The following ANO6 variants were observed in gnomAD, a reference collection of about 807,000 sequenced individuals.
ANO6 encodes the protein anoctamin 6.
A neutral mutation model predicts 117.5 loss-of-function variants in ANO6; 106 were observed. The ratio of observed to expected loss-of-function variants is 0.90; its 90% CI spans 0.77 to 1.06. ANO6 has a LOEUF of 1.06. Ranked by LOEUF, ANO6 falls within the 50% of genes least tolerant of loss-of-function variation. The pLI is 0.00. For synonymous variants in ANO6, 367 were observed against 385.1 expected, an observed-to-expected ratio of 0.95 and a Z score of 0.55; for missense variants, 955 against 1,121.1, an observed-to-expected ratio of 0.85 and a Z score of 2.12.
chr12:45,389,485 C>A (rs925448767), intron 11 of ANO6, among the ~76,000 whole-genome samples: 1 of 152,198 alleles, frequency 6.6e-6, no homozygotes, highest in African/African-American at 2.4e-5. Flanking sequence ...TCATTTAAAC[C>A]TGCCAATTTT....
In ANO6 at chr12:45,388,400, T is replaced by C. The variant is rs1415043885; in HGVS notation, c.1308+97T>C. On this transcript the variant is annotated intron_variant, in intron 11 of 19. Coordinates refer to ENST00000320560, the MANE Select transcript of ANO6 (RefSeq NM_001025356.3). ...GAATCACTTGGGGGAGCTTAAAAAA[T>C]ATTGATACCTGAGTTCCATCACTAC... is the stretch of plus-strand genomic sequence containing the variant. 5 of 1,465,432 alleles carry C rather than the reference T, an allele frequency of 3.4e-6. No homozygotes were observed. The African/African-American group carries it at 4.2e-5, about 12-fold the overall frequency. The allele number at this position is 1,465,432 out of a possible 1,614,324, so 90.8% of individuals were successfully genotyped here. A position where few individuals can be genotyped will look rare whatever the true frequency, so the allele number is the denominator to read the frequency against.
chr12:45,232,931 G>T (rs193253538), intron 1 of ANO6, among the ~76,000 whole-genome samples: 2 of 152,298 alleles, frequency 1.3e-5, no homozygotes, highest in Admixed American at 1.3e-4. Flanking sequence ...GCTTCCGGAA[G>T]TTTCCAAAGG....
At chr12:45,437,203 T>G (rs74081818), downstream of ANO6, among the ~76,000 whole-genome samples, 7,612 of 152,250 alleles carry the variant, frequency 0.05, 350 homozygotes, top group African/African-American at 0.12. Context: ...ATTTTCCTAA[T>G]AACACAAAGA....
intron 1 of ANO6, among the ~76,000 whole-genome samples, chr12:45,257,853 T>TTA (rs1415488348): frequency 1.3e-5 from 2 of 152,188 alleles, no homozygotes; most frequent in African/African-American, 4.8e-5. Context: ...TTTGCGAAGA[T>TTA]TATAAAAAGA....
chr12:45,350,820 T>TA (rs777473374), intron 7 of ANO6, 46 bp downstream of exon 7: 4 of 1,443,130 alleles, frequency 2.8e-6, no homozygotes, highest in Non-Finnish European at 9.7e-7. Flanking sequence ...CTCAGGGTGT[T>TA]ACCCCCACAG....
chr12:45,422,904 C>A, intron 18 of ANO6, 53 bp from the exon 19 acceptor site: 1 of 1,323,380 alleles, frequency 7.6e-7, no homozygotes, highest in Non-Finnish European at 1.1e-6. Flanking sequence ...CCTTTGTTTA[C>A]AGTATTCAGT....
At chr12:45,420,384 G>T (rs1449343197) in intron 17 of ANO6, among the ~76,000 whole-genome samples, 2 of 152,170 alleles carry the variant, frequency 1.3e-5, no homozygotes, top group Non-Finnish European at 2.9e-5. Flanking sequence ...ACTTGGAGAG[G>T]CTGAGAGGAT....
At chr12:45,418,903 T>C (rs779969050) in intron 17 of ANO6, among the ~76,000 whole-genome samples, 33 of 152,250 alleles carry the variant, frequency 2.2e-4, no homozygotes, top group Non-Finnish European at 1.0e-4. Context: ...ACTTCCAAGA[T>C]GGCAGTTATA....
chr12:45,258,973 AC>A lies in ANO6; in HGVS notation c.70+42583del, dbSNP rs367598724. Among the ~76,000 whole-genome samples, 759 of 152,324 alleles carry A rather than the reference AC, an allele frequency of 5.0e-3. 7 individuals are homozygous for A. The highest frequency in any genetic ancestry group is 0.031 in the South Asian group (151 of 4,828). On this transcript the variant is annotated intron_variant, in intron 1 of 19. Transcript: ENST00000320560. ...TCAAGTATCTTCAGAAAATGGTGGG[AC>A]AGGAAGAGGGGAGTAATTTGCCCTT...
At chr12:45,396,489 C>A (rs1328174580) in intron 12 of ANO6, among the ~76,000 whole-genome samples, 3 of 151,224 alleles carry the variant, frequency 2.0e-5, no homozygotes, top group Non-Finnish European at 4.4e-5. Flanking sequence ...TTGGAAAAAA[C>A]TAAAGTTCAT....
chr12:45,434,595 G>T (rs928932200), downstream of ANO6, among the ~76,000 whole-genome samples: 6 of 152,188 alleles, frequency 3.9e-5, no homozygotes, highest in Admixed American at 2.0e-4. Context: ...GAGGGAGGCA[G>T]TGCAAAGAAT....
chr12:45,422,207 A>T (rs1484469371), intron 18 of ANO6, among the ~76,000 whole-genome samples: 2 of 152,196 alleles, frequency 1.3e-5, no homozygotes, highest in East Asian at 3.9e-4. Context: ...TTAACACTTG[A>T]TATCTGACAA....
intron 15 of ANO6, among the ~76,000 whole-genome samples, chr12:45,407,319 G>T (rs975241318): frequency 6.6e-6 from 1 of 152,290 alleles, no homozygotes; most frequent in African/African-American, 2.4e-5. Flanking sequence ...GACAGAAAAA[G>T]ACCTGCTTCT....
intron 1 of ANO6, among the ~76,000 whole-genome samples, chr12:45,220,336 A>G (rs1018627431): frequency 6.6e-6 from 1 of 152,134 alleles, no homozygotes; most frequent in Admixed American, 6.5e-5. Flanking sequence ...TAGACAGAGG[A>G]CATGGTCCAT....
Position 45,429,840 on chromosome 12 carries a change from C to A in ANO6, c.*529C>A, listed in dbSNP as rs1943592807. The A allele has an allele frequency of 1.0e-6, 1 of 989,768 alleles. No individual in the cohort carries two copies. The highest frequency in any genetic ancestry group is 5.8e-5 in the Admixed American group (1 of 17,284). 61.3% of individuals were successfully genotyped at this position (989,768 alleles called of 1,614,324 possible). A position where few individuals can be genotyped will look rare whatever the true frequency, so the allele number is the denominator to read the frequency against. The stretch of plus-strand genomic sequence containing the variant: ...ACAATATTTAGGTGTATTTTCAATA[C>A]CTCCAGAAAGGAAACCTCAGTTAAT... On this transcript the variant is annotated 3_prime_UTR_variant, in exon 20 of 20. Transcript: ENST00000320560.
At chr12:45,353,240 G>A (rs1237084793) in intron 7 of ANO6, among the ~76,000 whole-genome samples, 2 of 151,428 alleles carry the variant, frequency 1.3e-5, no homozygotes, top group East Asian at 3.9e-4. Context: ...GGTCATACTC[G>A]GATTCCCTTG....
chr12:45,422,815 C>G (rs1943399974), intron 18 of ANO6, 142 bp from the exon 19 acceptor site: 1 of 710,534 alleles, frequency 1.4e-6, no homozygotes, highest in Non-Finnish European at 2.6e-6. Flanking sequence ...CTCAAGTGAT[C>G]CACATGCCTC....
intron 1 of ANO6, among the ~76,000 whole-genome samples, chr12:45,266,433 T>A (rs75000597): frequency 3.9e-5 from 6 of 152,218 alleles, no homozygotes; most frequent in Non-Finnish European, 8.8e-5. Flanking sequence ...GGTTGGCACA[T>A]AAATATGGCA....
intron 17 of ANO6, 49 bp downstream of exon 17, chr12:45,416,953 AT>A: frequency 6.4e-7 from 1 of 1,570,224 alleles, no homozygotes; most frequent in Non-Finnish European, 8.8e-7. Context: ...GATGCATTAG[AT>A]TTGCTACCTA....
Sources: gnomAD v4.1 joint callset for allele counts (sites outside exome capture counted in the v4.1 genomes callset) on GRCh38, gnomAD v4.1.1 for gene constraint, MANE v1.5 for transcripts, NCBI Gene and HGNC (gene_info 2026-07-23, HGNC 2026-07-21) for gene names.